Variants in RBM27 observed in about 807,000 individuals in gnomAD.
The protein encoded by RBM27 is RNA-binding protein 27.
Under a neutral mutation model 135.3 loss-of-function variants are expected in RBM27, and 22 were observed. The ratio of observed to expected loss-of-function variants is 0.16; its 90% CI spans 0.12 to 0.23. RBM27 has a LOEUF of 0.23. RBM27 is among the 10% of genes least tolerant of loss of function. The pLI, the probability that RBM27 is intolerant of heterozygous loss-of-function variation, is 1.00. For missense variants in RBM27, 1,009 were observed against 1,281.0 expected (o/e 0.79, Z 3.24); for synonymous variants, 481 against 442.4 (o/e 1.09, Z -1.10).
intron 9 of RBM27, among the ~76,000 whole-genome samples, chr5:146,252,417 G>A (rs1357937912): frequency 6.6e-6 from 1 of 152,060 alleles, no homozygotes; most frequent in Non-Finnish European, 1.5e-5. Context: ...TTCTCACTTT[G>A]CCTTTGGATC....
chr5:146,244,909 T>C (rs112909842), intron 8 of RBM27, among the ~76,000 whole-genome samples: 2,106 of 152,236 alleles, frequency 0.014, 51 homozygotes, highest in African/African-American at 0.047. Context: ...GGTCTTGCTC[T>C]GTTGCCCAGG....
intron 19 of RBM27, among the ~76,000 whole-genome samples, chr5:146,276,678 A>G (rs1257352898): frequency 6.6e-6 from 1 of 152,234 alleles, no homozygotes; most frequent in African/African-American, 2.4e-5. Context: ...CAGAACAAAA[A>G]TTAACCTTTT....
At chr5:146,233,285 C>T (rs560467948) in intron 6 of RBM27, among the ~76,000 whole-genome samples, 165 bp from the exon 7 acceptor site, 35 of 152,226 alleles carry the variant, frequency 2.3e-4, no homozygotes, top group African/African-American at 7.7e-4. Context: ...TCTGCCTCTA[C>T]CTTGGGGATA....
chr5:146,248,028 T>C (rs570712956), intron 8 of RBM27, among the ~76,000 whole-genome samples: 1 of 152,292 alleles, frequency 6.6e-6, no homozygotes, highest in South Asian at 2.1e-4. Context: ...AGACATGATA[T>C]ATGTGTATTT....
In RBM27 at chr5:146,271,526, T is replaced by G; in HGVS notation, c.2840T>G (p.Met947Arg). The change falls in exon 19 of 21, where the codon ATG becomes AGG. Residue 947 changes from methionine (M) to arginine (R), a missense_variant. Met to Arg is a moderately conservative substitution (Grantham distance 91). Coordinates refer to ENST00000265271, the MANE Select transcript of RBM27 (RefSeq NM_018989.2). Reference sequence around the variant, plus strand: ...TTACCTGTGGGTCGAGGAAAGACCATGTCCTCTCAAGGTCGAGGAAGAGGC... The same window carrying G: ...TTACCTGTGGGTCGAGGAAAGACCAGGTCCTCTCAAGGTCGAGGAAGAGGC... ...GILPVGRGKTMSSQGRGRGRG... is the reference protein window; with the variant it reads ...GILPVGRGKTRSSQGRGRGRG... 6.2e-7 allele frequency: 1 copy of G among 1,613,702 alleles called. No homozygotes were observed. Among genetic ancestry groups the G allele is most frequent in the Non-Finnish European group, 8.5e-7 (1 of 1,179,700 alleles).
At chr5:146,277,256 A>C (rs1166720947) in intron 19 of RBM27, among the ~76,000 whole-genome samples, 2 of 152,194 alleles carry the variant, frequency 1.3e-5, no homozygotes, top group Non-Finnish European at 2.9e-5. Flanking sequence ...ACATCTTTCT[A>C]GCACCTGTAT....
At chr5:146,219,174 G>A in intron 2 of RBM27, 71 bp downstream of exon 2, 1 of 1,094,512 alleles carries the variant, frequency 9.1e-7, no homozygotes, top group Non-Finnish European at 1.3e-6. Flanking sequence ...GAAAAGTCTT[G>A]GAGATATAAG....
intron 2 of RBM27, among the ~76,000 whole-genome samples, chr5:146,222,614 G>T (rs545628798): frequency 6.6e-6 from 1 of 152,196 alleles, no homozygotes; most frequent in African/African-American, 2.4e-5. Flanking sequence ...AACCCAGGAG[G>T]TGGAGGTTGC....
At chr5:146,251,574 A>G in intron 8 of RBM27, 137 bp from the exon 9 acceptor site, 2 of 782,186 alleles carry the variant, frequency 2.6e-6, no homozygotes, top group Non-Finnish European at 2.0e-6. Flanking sequence ...AAAGAATCCC[A>G]GGAACATCTT....
At chr5:146,232,101 T>A (rs1044827275) in intron 6 of RBM27, among the ~76,000 whole-genome samples, 1 of 152,206 alleles carries the variant, frequency 6.6e-6, no homozygotes, top group Non-Finnish European at 1.5e-5. Flanking sequence ...CCCCAGTGTA[T>A]CCGTTACATC....
intron 19 of RBM27, among the ~76,000 whole-genome samples, chr5:146,276,547 C>T (rs1759101127): frequency 6.6e-6 from 1 of 152,238 alleles, no homozygotes; most frequent in South Asian, 2.1e-4. Flanking sequence ...CTTTTCCCCA[C>T]AGCCTCTCAA....
At chr5:146,204,763 C>T (rs557933266) in intron 1 of RBM27, among the ~76,000 whole-genome samples, 25 of 151,848 alleles carry the variant, frequency 1.6e-4, no homozygotes, top group Non-Finnish European at 2.9e-4. Context: ...TGAGAGGACA[C>T]CTGAAGATAA....
At position 146,230,802 on chromosome 5, in the gene RBM27, T is replaced by C; in HGVS notation, c.735T>C (p.Pro245=). The part of the protein sequence containing the change: ...SIPSTVTVIA[P]AHHSENTTES... Reference sequence around the variant, plus strand: ...CCAGCACTGTTACTGTGATCGCACCTGCTCACCACTCTGAAAACACAACTG... The same window carrying C: ...CCAGCACTGTTACTGTGATCGCACCCGCTCACCACTCTGAAAACACAACTG... Residue 245 remains proline (P), a synonymous_variant, in exon 6 of 21, where the codon CCT becomes CCC. Transcript: ENST00000265271. The C allele has an allele frequency of 6.2e-7, 1 of 1,614,086 alleles. No homozygotes were observed. The highest frequency in any genetic ancestry group is 8.5e-7 in the Non-Finnish European group (1 of 1,179,950).
chr5:146,218,346 T>A (rs1048120752), intron 1 of RBM27, among the ~76,000 whole-genome samples: 4 of 152,218 alleles, frequency 2.6e-5, no homozygotes, highest in African/African-American at 9.6e-5. Flanking sequence ...AGGTTATCTC[T>A]GCTGTCCTTT....
At chr5:146,263,295 A>G (rs1045104467) in intron 13 of RBM27, among the ~76,000 whole-genome samples, 196 bp from the exon 14 acceptor site, 1 of 152,198 alleles carries the variant, frequency 6.6e-6, no homozygotes, top group Non-Finnish European at 1.5e-5. Context: ...TGTTTTAGAC[A>G]TCCCAAAAAG....
intron 13 of RBM27, among the ~76,000 whole-genome samples, chr5:146,262,517 C>T (rs1356075131): frequency 6.6e-6 from 1 of 152,178 alleles, no homozygotes; most frequent in Non-Finnish European, 1.5e-5. Flanking sequence ...AACAAACTAC[C>T]ACACATCAGA....
Position 146,271,387 on chromosome 5 carries a change from T to A in RBM27, c.2797-96T>A. Reference sequence around the variant, plus strand: ...TGCACTCGAGCCTAGGCAACGAGAGTGAAATTCCATCTCAAAAAAAAAAAA... The same window carrying A: ...TGCACTCGAGCCTAGGCAACGAGAGAGAAATTCCATCTCAAAAAAAAAAAA... On this transcript the variant is annotated intron_variant, in intron 18 of 20. Transcript: ENST00000265271. 2.6e-6 allele frequency: 3 copies of A among 1,172,048 alleles called. No homozygotes were observed. In the South Asian group the frequency reaches 5.1e-5, roughly 20 times the overall value. 72.6% of individuals were successfully genotyped at this position (1,172,048 alleles called of 1,614,324 possible).
intron 4 of RBM27, 84 bp from the exon 5 acceptor site, chr5:146,229,633 T>C: frequency 8.5e-7 from 1 of 1,171,070 alleles, no homozygotes; most frequent in Non-Finnish European, 1.2e-6. Flanking sequence ...TTTGGATGAC[T>C]CAAGAGTAGT....
chr5:146,210,435 ATTAC>A (rs1755882817), intron 1 of RBM27, among the ~76,000 whole-genome samples: 1 of 152,094 alleles, frequency 6.6e-6, no homozygotes, highest in Non-Finnish European at 1.5e-5. Context: ...AAAGCCCCTA[ATTAC>A]TTAAGGGGAA....
Sources: allele counts gnomAD v4.1 joint callset (sites outside exome capture counted in the v4.1 genomes callset), GRCh38; gene constraint gnomAD v4.1.1; transcripts MANE v1.5; gene names NCBI Gene and HGNC (gene_info 2026-07-23, HGNC 2026-07-21).